Variants in SLCO1B1 observed in about 807,000 individuals in gnomAD.
The protein encoded by SLCO1B1 is OATP-2.
SLCO1B1 carries 81 observed loss-of-function variants against 70.1 expected under a neutral mutation model. The observed-to-expected ratio is 1.16, with a 90% CI of 0.97 to 1.39. The LOEUF (loss-of-function observed/expected upper bound fraction) is 1.39. SLCO1B1 is among the 40% of genes most tolerant of loss of function. SLCO1B1 has a pLI of 0.00. For synonymous variants in SLCO1B1, 283 were observed against 271.5 expected (o/e 1.04, Z -0.42); for missense variants, 895 against 799.6 (o/e 1.12, Z -1.44).
intron 10 of SLCO1B1, 42 bp from the exon 11 acceptor site, chr12:21,205,826 C>T (rs1242548467): frequency 2.4e-6 from 3 of 1,265,852 alleles, no homozygotes; most frequent in Admixed American, 1.9e-5. Flanking sequence ...TCTTTTTCTT[C>T]TCTCTCTCTC....
At chr12:21,209,839 T>C (rs1288190243) in intron 11 of SLCO1B1, among the ~76,000 whole-genome samples, 2 of 152,136 alleles carry the variant, frequency 1.3e-5, no homozygotes, top group Non-Finnish European at 2.9e-5. Flanking sequence ...ATGTGTTTTT[T>C]GGCTGCATAA....
chr12:21,221,847 G>A (rs1941426826), intron 12 of SLCO1B1, among the ~76,000 whole-genome samples: 1 of 152,086 alleles, frequency 6.6e-6, no homozygotes, highest in Non-Finnish European at 1.5e-5. Flanking sequence ...ACAATGTGGA[G>A]ATTTTTCAAG....
At chr12:21,187,245 A>G (rs1300020800) in intron 7 of SLCO1B1, among the ~76,000 whole-genome samples, 3 of 152,180 alleles carry the variant, frequency 2.0e-5, no homozygotes, top group Admixed American at 6.5e-5. Context: ...TACAAAGTTG[A>G]TAAGTCCCAA....
intron 7 of SLCO1B1, among the ~76,000 whole-genome samples, chr12:21,180,373 A>T (rs1467213522): frequency 6.6e-6 from 1 of 152,144 alleles, no homozygotes. Context: ...GCCTTACTTC[A>T]CCACTTTCCA....
At chr12:21,229,599 A>C (rs1330233454) in intron 14 of SLCO1B1, among the ~76,000 whole-genome samples, 1 of 152,188 alleles carries the variant, frequency 6.6e-6, no homozygotes, top group Non-Finnish European at 1.5e-5. Flanking sequence ...GTCTAGATGT[A>C]TAACAGATTA....
intron 2 of SLCO1B1, among the ~76,000 whole-genome samples, chr12:21,156,531 G>A (rs1940545138): frequency 6.6e-6 from 1 of 152,034 alleles, no homozygotes; most frequent in South Asian, 2.1e-4. Context: ...AGGTTTATTT[G>A]GCTAAAGTGA....
intron 2 of SLCO1B1, among the ~76,000 whole-genome samples, chr12:21,150,747 T>C (rs1339707173): frequency 1.3e-5 from 2 of 152,072 alleles, no homozygotes; most frequent in Non-Finnish European, 2.9e-5. Context: ...GAAAAACAAG[T>C]GCAAAAAGGC....
intron 7 of SLCO1B1, among the ~76,000 whole-genome samples, chr12:21,185,600 GA>G (rs774891091): frequency 7.9e-5 from 12 of 152,016 alleles, no homozygotes; most frequent in Non-Finnish European, 1.8e-4. Flanking sequence ...GCAGTGTTAA[GA>G]GGAAGTTTAC....
chr12:21,234,354 A>G (rs1007220868), intron 14 of SLCO1B1, among the ~76,000 whole-genome samples: 1 of 152,176 alleles, frequency 6.6e-6, no homozygotes, highest in African/African-American at 2.4e-5. Context: ...TGTTATCCTC[A>G]GGAGCAATTT....
intron 14 of SLCO1B1, among the ~76,000 whole-genome samples, chr12:21,226,441 A>C (rs1941483213): frequency 6.6e-6 from 1 of 152,176 alleles, no homozygotes; most frequent in African/African-American, 2.4e-5. Flanking sequence ...GAACATTAAA[A>C]AAAATTAAAG....
At chr12:21,198,861 A>C (rs1271746480) in intron 8 of SLCO1B1, among the ~76,000 whole-genome samples, 3 of 152,098 alleles carry the variant, frequency 2.0e-5, no homozygotes, top group African/African-American at 7.2e-5. Flanking sequence ...ATGACTATAC[A>C]GAAGTTTACA....
chr12:21,152,085 T>A (rs879414923), intron 2 of SLCO1B1, among the ~76,000 whole-genome samples: 2 of 152,130 alleles, frequency 1.3e-5, no homozygotes, highest in Non-Finnish European at 2.9e-5. Flanking sequence ...GTCTTTGTTA[T>A]TTTTATTTGC....
rs200314690 is a variant in SLCO1B1, at chr12:21,190,856, A to AT, written c.728-6083dup. On this transcript the variant is annotated intron_variant, in intron 7 of 14. Transcript: ENST00000256958. ...TCCTGCAAAATTTTTCATCGTTATT[A>AT]TTTTTTTGCTATTGAGTTGTAGGAT... Among the ~76,000 whole-genome samples, 1,190 of 152,064 alleles carry AT rather than the reference A, an allele frequency of 7.8e-3. 14 individuals are homozygous for AT. Among genetic ancestry groups the AT allele is most frequent in the African/African-American group, 0.026 (1,066 of 41,524 alleles).
At chr12:21,151,724 C>A (rs1181313480) in intron 2 of SLCO1B1, among the ~76,000 whole-genome samples, 1 of 152,088 alleles carries the variant, frequency 6.6e-6, no homozygotes, top group African/African-American at 2.4e-5. Context: ...AGTTTCATTT[C>A]TCAGAGGAAG....
chr12:21,234,743 G>A (rs536943535), intron 14 of SLCO1B1, among the ~76,000 whole-genome samples: 30 of 152,048 alleles, frequency 2.0e-4, no homozygotes, highest in African/African-American at 5.5e-4. Flanking sequence ...ACTTTGTCTC[G>A]ATTTTCATTT....
chr12:21,228,796 C>T (rs935869772), intron 14 of SLCO1B1, among the ~76,000 whole-genome samples: 15 of 152,106 alleles, frequency 9.9e-5, no homozygotes, highest in Non-Finnish European at 1.5e-4. Context: ...TTTTAGCCAA[C>T]TAAGACAAGT....
intron 7 of SLCO1B1, among the ~76,000 whole-genome samples, chr12:21,188,184 A>T (rs1940985386): frequency 6.6e-6 from 1 of 151,736 alleles, no homozygotes; most frequent in South Asian, 2.1e-4. Context: ...ATAGTTACTG[A>T]ATGTACTTGC....
intron 7 of SLCO1B1, among the ~76,000 whole-genome samples, chr12:21,184,756 G>GT (rs1940944873): frequency 1.3e-5 from 2 of 152,112 alleles, no homozygotes; most frequent in Middle Eastern, 3.4e-3. Flanking sequence ...AAAATCTCAC[G>GT]TATCAATAAT....
At chr12:21,199,118 C>T (rs1941128519) in intron 8 of SLCO1B1, among the ~76,000 whole-genome samples, 1 of 151,728 alleles carries the variant, frequency 6.6e-6, no homozygotes, top group South Asian at 2.1e-4. Flanking sequence ...TCTCTAACTC[C>T]TTCTACTCCT....
Sources: gnomAD v4.1 joint callset for allele counts (sites outside exome capture counted in the v4.1 genomes callset) on GRCh38, gnomAD v4.1.1 for gene constraint, MANE v1.5 for transcripts, NCBI Gene and HGNC (gene_info 2026-07-23, HGNC 2026-07-21) for gene names.